Variants in THNSL1 observed in about 807,000 individuals in gnomAD.
The protein encoded by THNSL1 is threonine synthase like 1.
Under a neutral mutation model 50.4 loss-of-function variants are expected in THNSL1, and 48 were observed. That is an observed-to-expected ratio of 0.95 (90% CI 0.76 to 1.21). The LOEUF is 1.21. THNSL1 is among the 50% of genes most tolerant of loss of function. THNSL1 has a pLI of 0.00. For missense variants in THNSL1, 896 were observed against 871.7 expected (o/e 1.03, Z -0.35); for synonymous variants, 309 against 306.1 (o/e 1.01, Z -0.10).
At chr10:24,988,866 T>C in the THNSL1 span, among the ~76,000 whole-genome samples, 8 of 151,822 alleles carry the variant, frequency 5.3e-5, no homozygotes, top group Admixed American at 5.3e-4. Context: ...TCGAACTACA[T>C]GCAACTCTTG....
the THNSL1 span, among the ~76,000 whole-genome samples, chr10:24,954,710 A>G: frequency 6.6e-6 from 1 of 152,198 alleles, no homozygotes; most frequent in African/African-American, 2.4e-5. Flanking sequence ...TGATGAGTAA[A>G]TAGTTTTTAA....
upstream of THNSL1, chr10:25,016,018 T>C (rs1341750241): frequency 1.1e-5 from 17 of 1,523,376 alleles, no homozygotes; most frequent in Non-Finnish European, 1.4e-5. Context: ...TCTTCACTGC[T>C]TCCCCTTTCT....
chr10:25,024,792 G>C lies in THNSL1; in HGVS notation c.1569G>C (p.Met523Ile). 1 of 1,614,140 alleles carries C rather than the reference G, an allele frequency of 6.2e-7. No individual in the cohort carries two copies. Among genetic ancestry groups the C allele is most frequent in the Non-Finnish European group, 8.5e-7 (1 of 1,180,028 alleles). The change falls in exon 3 of 3, where the codon ATG (methionine) becomes ATC (isoleucine). Residue 523 changes from methionine to isoleucine, a missense_variant. Transcript: ENST00000376356. ...NILAAVYAKMMGIPIRKFICA... is the reference protein window; with the variant it reads ...NILAAVYAKMIGIPIRKFICA... ...TAGCAGCAGTGTATGCCAAAATGAT[G>C]GGAATCCCGATTCGAAAATTTATCT...
chr10:24,996,436 ATG>A, the THNSL1 span, among the ~76,000 whole-genome samples: 273 of 148,586 alleles, frequency 1.8e-3, no homozygotes, highest in South Asian at 7.8e-3. Context: ...AAGATCATAT[ATG>A]TGTGTGTGTG....
the THNSL1 span, among the ~76,000 whole-genome samples, chr10:24,960,547 C>T: frequency 6.6e-6 from 1 of 152,064 alleles, no homozygotes; most frequent in Non-Finnish European, 1.5e-5. Flanking sequence ...CTGCCTCAGC[C>T]ACCCGAGAAG....
Position 25,020,282 on chromosome 10 carries a change from A to ATCTATATC in THNSL1, c.-215-1456_-215-1455insTATCTCTA, listed in dbSNP as rs1564347806. The stretch of plus-strand genomic sequence containing the variant: ...TATATCTATATCTATATCTATATAT[A>ATCTATATC]TCTACCCCAAAGTCTTGAAAAAGGG... On this transcript the variant is annotated intron_variant, in intron 1 of 2. Coordinates refer to ENST00000376356, the MANE Select transcript of THNSL1 (RefSeq NM_024838.5). Among the ~76,000 whole-genome samples, 12 of 151,874 alleles carry ATCTATATC rather than the reference A, an allele frequency of 7.9e-5. No homozygotes were observed. The East Asian group carries it at 1.7e-3, about 22-fold the overall frequency.
At position 25,023,818 on chromosome 10, in the gene THNSL1, G is replaced by A; in HGVS notation, c.595G>A (p.Ala199Thr). ...ACAGTATTATAAGAAGTGGTATGAT[G>A]CTCGTGTTTTCTGTGAAAGTGGGGC... ...RRQYYKKWYDARVFCESGASP... is the reference protein window; with the variant it reads ...RRQYYKKWYDTRVFCESGASP... The change falls in exon 3 of 3, where the codon GCT (alanine) becomes ACT (threonine). Residue 199 changes from alanine to threonine, a missense_variant. Transcript: ENST00000376356. 1 of 1,614,194 alleles carries A rather than the reference G, an allele frequency of 6.2e-7. No homozygotes were observed. Among genetic ancestry groups the A allele is most frequent in the Non-Finnish European group, 8.5e-7 (1 of 1,180,036 alleles).
the THNSL1 span, among the ~76,000 whole-genome samples, chr10:24,968,129 T>C: frequency 6.6e-6 from 1 of 152,036 alleles, no homozygotes; most frequent in Non-Finnish European, 1.5e-5. Context: ...ACCTGATAGA[T>C]TTTTGAAAAC....
chr10:24,977,999 T>C, the THNSL1 span, among the ~76,000 whole-genome samples: 1 of 152,182 alleles, frequency 6.6e-6, no homozygotes, highest in Non-Finnish European at 1.5e-5. Flanking sequence ...CAAAAAAATA[T>C]ACTACCCATC....
At chr10:24,996,649 C>G in the THNSL1 span, among the ~76,000 whole-genome samples, 2 of 152,222 alleles carry the variant, frequency 1.3e-5, no homozygotes, top group South Asian at 2.1e-4. Flanking sequence ...CTTGAAAATG[C>G]CTTTTCCAAT....
chr10:25,016,723 A>G (rs1196028802), intron 1 of THNSL1, 31 bp downstream of exon 1: 1 of 152,336 alleles, frequency 6.6e-6, no homozygotes, highest in Non-Finnish European at 1.5e-5. Context: ...TGGAGGCTTT[A>G]GCGGCTCGTG....
chr10:24,958,738 CAG>C, the THNSL1 span, among the ~76,000 whole-genome samples: 3 of 152,242 alleles, frequency 2.0e-5, no homozygotes, highest in Non-Finnish European at 2.9e-5. Flanking sequence ...GAAGAACACA[CAG>C]AGGGTAGATC....
the THNSL1 span, among the ~76,000 whole-genome samples, chr10:24,959,178 A>G: frequency 1.3e-5 from 2 of 152,156 alleles, no homozygotes; most frequent in Non-Finnish European, 2.9e-5. Flanking sequence ...AACAAAAACA[A>G]AAAAAGGGGG....
the THNSL1 span, among the ~76,000 whole-genome samples, chr10:25,007,227 C>T: frequency 6.6e-6 from 1 of 152,048 alleles, no homozygotes; most frequent in Admixed American, 6.6e-5. Flanking sequence ...GATATTAAAC[C>T]TTGTTCTGTA....
At chr10:24,973,449 G>T in the THNSL1 span, among the ~76,000 whole-genome samples, 1 of 152,022 alleles carries the variant, frequency 6.6e-6, no homozygotes, top group Non-Finnish European at 1.5e-5. Context: ...AAAACAGCAT[G>T]CAGTTTAAAA....
At chr10:24,959,188 G>A in the THNSL1 span, among the ~76,000 whole-genome samples, 1 of 152,182 alleles carries the variant, frequency 6.6e-6, no homozygotes, top group Admixed American at 6.5e-5. Flanking sequence ...AAAAAAGGGG[G>A]GCCTCCTTAG....
the THNSL1 span, chr10:24,985,020 A>G: frequency 1.2e-6 from 1 of 835,856 alleles, no homozygotes; most frequent in African/African-American, 1.7e-5. Context: ...GACAAAAATA[A>G]CTTCTAAAAT....
chr10:25,010,699 G>T, the THNSL1 span, among the ~76,000 whole-genome samples: 1 of 141,616 alleles, frequency 7.1e-6, no homozygotes, highest in Admixed American at 7.5e-5. Context: ...GCGGTGTTTG[G>T]TTTTTTGTCC....
At chr10:25,019,284 G>A (rs977394652) in intron 1 of THNSL1, among the ~76,000 whole-genome samples, 1 of 152,140 alleles carries the variant, frequency 6.6e-6, no homozygotes, top group African/African-American at 2.4e-5. Flanking sequence ...GACCAGCCTG[G>A]GCAACATGGC....
Sources: gnomAD v4.1 joint callset for allele counts (sites outside exome capture counted in the v4.1 genomes callset) on GRCh38, gnomAD v4.1.1 for gene constraint, MANE v1.5 for transcripts, NCBI Gene and HGNC (gene_info 2026-07-23, HGNC 2026-07-21) for gene names.